The following HDAC9 variants were observed in gnomAD, a reference collection of about 807,000 sequenced individuals.
HDAC9 encodes histone deacetylase 9.
In HDAC9, 41 loss-of-function variants were observed where a neutral mutation model predicts 139.4. The ratio of observed to expected loss-of-function variants is 0.29; its 90% CI spans 0.23 to 0.38. The LOEUF (loss-of-function observed/expected upper bound fraction) is 0.38. Ranked by LOEUF, HDAC9 falls within the 10% of genes least tolerant of loss-of-function variation. The pLI, the probability that HDAC9 is intolerant of heterozygous loss-of-function variation, is 1.00. For synonymous variants in HDAC9, 517 were observed against 476.2 expected (o/e 1.09, Z -1.12); for missense variants, 1,147 against 1,297.0 (o/e 0.88, Z 1.78).
chr7:18,580,280 C>CA (rs1827390824), intron 2 of HDAC9, among the ~76,000 whole-genome samples: 1 of 152,066 alleles, frequency 6.6e-6, no homozygotes, highest in South Asian at 2.1e-4. Flanking sequence ...ACTAAAAACT[C>CA]AAATGTTTCT....
intron 12 of HDAC9, among the ~76,000 whole-genome samples, chr7:18,684,675 A>G: frequency 6.6e-6 from 1 of 152,014 alleles, no homozygotes; most frequent in Admixed American, 6.6e-5. Flanking sequence ...AATTTGATAT[A>G]GACTAATTAT....
chr7:18,345,126 C>T (rs1198532989), intron 1 of HDAC9, among the ~76,000 whole-genome samples: 1 of 151,928 alleles, frequency 6.6e-6, no homozygotes, highest in African/African-American at 2.4e-5. Context: ...GTAGTAGGTG[C>T]TCCTGAGAGG....
intron 1 of HDAC9, among the ~76,000 whole-genome samples, chr7:18,333,842 A>C (rs984703744): frequency 1.3e-5 from 2 of 151,446 alleles, no homozygotes; most frequent in Non-Finnish European, 3.0e-5. Context: ...GTTCTTAAAA[A>C]TAATAATGAC....
intron 2 of HDAC9, among the ~76,000 whole-genome samples, chr7:18,225,623 A>C (rs1321658229): frequency 6.6e-6 from 1 of 152,176 alleles, no homozygotes; most frequent in Non-Finnish European, 1.5e-5. Context: ...AATATAATTG[A>C]ATGAATAAAA....
intron 24 of HDAC9, among the ~76,000 whole-genome samples, chr7:18,972,766 T>A (rs1056084141): frequency 6.6e-6 from 1 of 152,200 alleles, no homozygotes; most frequent in Non-Finnish European, 1.5e-5. Context: ...TAAAAGGTAC[T>A]TGCAATAGTG....
chr7:18,598,120 A>G (rs1832971456), intron 6 of HDAC9, among the ~76,000 whole-genome samples: 1 of 152,152 alleles, frequency 6.6e-6, no homozygotes, highest in Non-Finnish European at 1.5e-5. Context: ...TTAATAGTTT[A>G]GAATATCTCT....
intron 1 of HDAC9, among the ~76,000 whole-genome samples, chr7:18,370,985 G>T (rs1342201404): frequency 6.6e-6 from 1 of 152,114 alleles, no homozygotes; most frequent in East Asian, 1.9e-4. Context: ...GCATTTTCTG[G>T]CTAATCTATC....
intron 23 of HDAC9, chr7:18,948,959 C>A (rs1585385520): frequency 5.4e-6 from 2 of 372,686 alleles, no homozygotes; most frequent in Admixed American, 3.2e-5. Flanking sequence ...CATTAGGAAG[C>A]AGTTCTTCAC....
At chr7:18,897,390 T>C (rs1801299612) in intron 22 of HDAC9, among the ~76,000 whole-genome samples, 1 of 151,998 alleles carries the variant, frequency 6.6e-6, no homozygotes, top group Non-Finnish European at 1.5e-5. Flanking sequence ...TCTAGGACTT[T>C]ATAACTTTTT....
At chr7:18,282,077 T>G (rs1467638574) in intron 2 of HDAC9, among the ~76,000 whole-genome samples, 1 of 152,172 alleles carries the variant, frequency 6.6e-6, no homozygotes, top group Non-Finnish European at 1.5e-5. Flanking sequence ...CTGCAGCTAC[T>G]GTAAGAAATA....
chr7:18,458,169 T>C (rs879200747), intron 1 of HDAC9, among the ~76,000 whole-genome samples: 1 of 152,222 alleles, frequency 6.6e-6, no homozygotes, highest in Admixed American at 6.5e-5. Context: ...ACGCTCACCC[T>C]CTCAGTGCCA....
At chr7:18,825,342 A>G (rs918762780) in intron 17 of HDAC9, among the ~76,000 whole-genome samples, 4 of 152,112 alleles carry the variant, frequency 2.6e-5, no homozygotes, top group Non-Finnish European at 5.9e-5. Flanking sequence ...TCCAAGGGAG[A>G]TTGATTAGGA....
At chr7:18,869,147 GGTGTGTGTGTGTGT>G (rs58034239) in intron 21 of HDAC9, among the ~76,000 whole-genome samples, 95 of 138,222 alleles carry the variant, frequency 6.9e-4, no homozygotes, top group Non-Finnish European at 1.1e-3. Flanking sequence ...TCACAATTGG[GGTGTGTGTGTGTGT>G]GTGTGTGTGT....
At chr7:18,287,392 A>G (rs1053595101), upstream of HDAC9, among the ~76,000 whole-genome samples, 2 of 152,262 alleles carry the variant, frequency 1.3e-5, no homozygotes, top group African/African-American at 4.8e-5. Flanking sequence ...TACACTGAAT[A>G]CCATACTCTG....
intron 1 of HDAC9, among the ~76,000 whole-genome samples, chr7:18,344,667 G>GA (rs972133422): frequency 6.6e-6 from 1 of 151,800 alleles, no homozygotes; most frequent in African/African-American, 2.4e-5. Flanking sequence ...TGTTTTGGCA[G>GA]AAAAAAATAG....
At chr7:18,774,084 T>A (rs1051259056) in intron 16 of HDAC9, among the ~76,000 whole-genome samples, 3 of 152,050 alleles carry the variant, frequency 2.0e-5, no homozygotes, top group Non-Finnish European at 4.4e-5. Context: ...TAGGATTTAA[T>A]CATTCCCCAA....
chr7:18,260,788 T>C (rs987286811), intron 2 of HDAC9, among the ~76,000 whole-genome samples: 2 of 152,208 alleles, frequency 1.3e-5, no homozygotes, highest in Admixed American at 6.5e-5. Context: ...GGCCATTTAT[T>C]CTCAAAGAGC....
Position 18,591,621 on chromosome 7 carries a change from G to A in HDAC9, c.521G>A (p.Arg174His), listed in dbSNP as rs1161136341. The A allele has an allele frequency of 1.2e-5, 19 of 1,613,184 alleles. No individual in the cohort carries two copies. Among genetic ancestry groups the A allele is most frequent in the East Asian group, 2.2e-5 (1 of 44,884 alleles). The change falls in exon 5 of 26, where the codon CGC becomes CAC. Residue 174 changes from arginine to histidine, a missense_variant. This residue lies in a region of HDAC9 where 79 missense variants were observed against 65.8 expected (regional missense o/e 1.20). Transcript: ENST00000686413. Reference protein sequence around the residue: ...PTNGKNHSVSRHPKLWYTAAH... With the variant: ...PTNGKNHSVSHHPKLWYTAAH... ...AATGGAAAAAATCATTCCGTGAGCC[G>A]CCATCCCAAGCTCTGGTACACGTAT...
chr7:18,903,469 A>C (rs1801917284), intron 22 of HDAC9, among the ~76,000 whole-genome samples: 1 of 152,142 alleles, frequency 6.6e-6, no homozygotes, highest in Non-Finnish European at 1.5e-5. Flanking sequence ...CAATCTTTCA[A>C]ATAGACATCC....
Sources: gnomAD v4.1 joint callset for allele counts (sites outside exome capture counted in the v4.1 genomes callset) on GRCh38, gnomAD v4.1.1 for gene constraint, gnomAD v4.1.1 regional missense constraint, MANE v1.5 for transcripts, NCBI Gene and HGNC (gene_info 2026-07-23, HGNC 2026-07-21) for gene names.